The following CPA6 variants were observed in gnomAD, a reference collection of about 807,000 sequenced individuals.
CPA6 encodes carboxypeptidase A6.
A neutral mutation model predicts 63.3 loss-of-function variants in CPA6; 58 were observed. The ratio of observed to expected loss-of-function variants is 0.92; its 90% CI spans 0.74 to 1.14. The LOEUF (loss-of-function observed/expected upper bound fraction) is 1.14. Among genes scored for constraint, CPA6 ranks in the 50% most tolerant of loss-of-function variants. The pLI, the probability that CPA6 is intolerant of heterozygous loss-of-function variation, is 0.00. For synonymous variants in CPA6, 185 were observed against 179.0 expected (o/e 1.03, Z -0.27); for missense variants, 565 against 526.6 (o/e 1.07, Z -0.71).
chr8:67,638,175 T>A (rs1815513199), intron 1 of CPA6, among the ~76,000 whole-genome samples: 1 of 151,308 alleles, frequency 6.6e-6, no homozygotes. Flanking sequence ...CCCTAGAGTT[T>A]GAGCAAGGTG....
chr8:67,443,502 C>T (rs1053299547), intron 8 of CPA6, among the ~76,000 whole-genome samples: 2 of 152,054 alleles, frequency 1.3e-5, no homozygotes, highest in African/African-American at 4.8e-5. Flanking sequence ...TTTTTAATCA[C>T]CACTTTATTG....
At chr8:67,539,924 T>C (rs1812668675) in intron 2 of CPA6, among the ~76,000 whole-genome samples, 1 of 152,158 alleles carries the variant, frequency 6.6e-6, no homozygotes, top group South Asian at 2.1e-4. Context: ...GTTCTTAGCT[T>C]CCTTGCATTG....
At chr8:67,724,685 C>A (rs1053721693) in intron 1 of CPA6, among the ~76,000 whole-genome samples, 1 of 152,232 alleles carries the variant, frequency 6.6e-6, no homozygotes, top group Non-Finnish European at 1.5e-5. Flanking sequence ...GTCCTACATA[C>A]AACTGACAGT....
At chr8:67,676,573 G>A (rs1193380129) in intron 1 of CPA6, among the ~76,000 whole-genome samples, 1 of 152,182 alleles carries the variant, frequency 6.6e-6, no homozygotes, top group Non-Finnish European at 1.5e-5. Flanking sequence ...TGGACACTCA[G>A]CTGCACTATA....
intron 1 of CPA6, among the ~76,000 whole-genome samples, chr8:67,647,771 T>C (rs1345017796): frequency 2.0e-5 from 3 of 152,186 alleles, no homozygotes; most frequent in South Asian, 2.1e-4. Context: ...AGTCTGTCAA[T>C]GTACCTGGAG....
intron 8 of CPA6, among the ~76,000 whole-genome samples, chr8:67,467,349 A>G (rs116528949): frequency 2.5e-3 from 377 of 152,158 alleles, no homozygotes; most frequent in African/African-American, 8.6e-3. Context: ...CTCCAGATCT[A>G]TATATATTTA....
At position 67,545,563 on chromosome 8, in the gene CPA6, C is replaced by CTT. The variant is rs35213871; in HGVS notation, c.193-27518_193-27517dup. 7.4e-3 allele frequency among the ~76,000 whole-genome samples: 594 copies of CTT among 80,470 alleles called. 10 individuals carry two copies. Among genetic ancestry groups the CTT allele is most frequent in the African/African-American group, 0.023 (558 of 24,364 alleles). The allele number at this position is 80,470 out of a possible 152,430, so 52.8% of individuals were successfully genotyped here. A position where few individuals can be genotyped will look rare whatever the true frequency, so the allele number is the denominator to read the frequency against. On this transcript the variant is annotated intron_variant, in intron 2 of 10. Transcript: ENST00000297770. The stretch of plus-strand genomic sequence containing the variant: ...TTTCTTTCCACAGTTGCTACTGTTA[C>CTT]TTTTTTTTTTTTTTTTTTTTTGAGA...
In CPA6 at chr8:67,746,282, A is replaced by C. The variant is rs1818010570; in HGVS notation, c.-153T>G. 2.0e-6 allele frequency: 1 copy of C among 497,198 alleles called. No individual in the cohort carries two copies. The highest frequency in any genetic ancestry group is 3.1e-5 in the East Asian group (1 of 32,258). The allele number at this position is 497,198 out of a possible 1,614,324, so 30.8% of individuals were successfully genotyped here. A position where few individuals can be genotyped will look rare whatever the true frequency, so the allele number is the denominator to read the frequency against. On this transcript the variant is annotated 5_prime_UTR_variant, in exon 1 of 11. Coordinates refer to ENST00000297770, the MANE Select transcript of CPA6 (RefSeq NM_020361.5). ...CAAAATGTGACACTTCTCTCCAGCT[A>C]CAAGGGAAAAAAAAAGTTCAGGCAG...
intron 1 of CPA6, among the ~76,000 whole-genome samples, chr8:67,662,668 A>G (rs949014140): frequency 6.6e-6 from 1 of 151,780 alleles, no homozygotes; most frequent in African/African-American, 2.4e-5. Context: ...ATATATACAC[A>G]TATATATTCT....
At chr8:67,453,053 C>T (rs2128955941) in intron 8 of CPA6, among the ~76,000 whole-genome samples, 1 of 152,260 alleles carries the variant, frequency 6.6e-6, no homozygotes, top group Middle Eastern at 3.4e-3. Flanking sequence ...CAGTTAACAT[C>T]ATCTGACTTA....
chr8:67,651,111 C>T (rs1007603737), intron 1 of CPA6, among the ~76,000 whole-genome samples: 5 of 152,066 alleles, frequency 3.3e-5, no homozygotes, highest in African/African-American at 1.2e-4. Flanking sequence ...CCTTGTCTCC[C>T]CATAAGGAAT....
At chr8:67,476,828 G>T (rs1424678090) in intron 8 of CPA6, among the ~76,000 whole-genome samples, 1 of 152,112 alleles carries the variant, frequency 6.6e-6, no homozygotes, top group Non-Finnish European at 1.5e-5. Flanking sequence ...GCCAAACAGG[G>T]ATAATAGTAG....
chr8:67,726,810 G>C (rs1817604927), intron 1 of CPA6, among the ~76,000 whole-genome samples: 1 of 152,162 alleles, frequency 6.6e-6, no homozygotes, highest in African/African-American at 2.4e-5. Flanking sequence ...GTGACACGCA[G>C]CAAGACAGCC....
chr8:67,499,437 T>G (rs568390264), intron 6 of CPA6, among the ~76,000 whole-genome samples: 1 of 152,210 alleles, frequency 6.6e-6, no homozygotes, highest in South Asian at 2.1e-4. Context: ...AACTTCTGAT[T>G]TGGAGATAAA....
intron 1 of CPA6, among the ~76,000 whole-genome samples, chr8:67,690,481 C>T (rs942760454): frequency 1.2e-4 from 19 of 152,142 alleles, no homozygotes; most frequent in Admixed American, 1.1e-3. Context: ...TTCAGTCACA[C>T]ATTCAAATCA....
chr8:67,427,624 A>G (rs1335350281), intron 10 of CPA6, among the ~76,000 whole-genome samples: 4 of 152,210 alleles, frequency 2.6e-5, no homozygotes, highest in Non-Finnish European at 5.9e-5. Context: ...GGACGGTGCT[A>G]CATAAGAAAC....
At chr8:67,729,291 G>T (rs1355936804) in intron 1 of CPA6, among the ~76,000 whole-genome samples, 1 of 152,172 alleles carries the variant, frequency 6.6e-6, no homozygotes, top group African/African-American at 2.4e-5. Flanking sequence ...TGGAAAATCT[G>T]CACATAAGCT....
intron 8 of CPA6, among the ~76,000 whole-genome samples, chr8:67,446,592 T>A (rs960471669): frequency 6.6e-6 from 1 of 152,234 alleles, no homozygotes; most frequent in African/African-American, 2.4e-5. Flanking sequence ...TTTTATTTTA[T>A]GTTTGACAGC....
chr8:67,671,115 G>T (rs1012291956), intron 1 of CPA6, among the ~76,000 whole-genome samples: 1 of 152,240 alleles, frequency 6.6e-6, no homozygotes, highest in African/African-American at 2.4e-5. Context: ...GTTGACTGCA[G>T]TTGACAGGGA....
Sources: allele counts gnomAD v4.1 joint callset (sites outside exome capture counted in the v4.1 genomes callset), GRCh38; gene constraint gnomAD v4.1.1; transcripts MANE v1.5; gene names NCBI Gene and HGNC (gene_info 2026-07-23, HGNC 2026-07-21).